Variants in LIMCH1 observed in about 807,000 individuals in gnomAD.
The protein encoded by LIMCH1 is LIM and calponin homology domains 1.
In LIMCH1, 113 loss-of-function variants were observed where a neutral mutation model predicts 176.5. The observed-to-expected ratio is 0.64, with a 90% CI of 0.55 to 0.75. The LOEUF is 0.75. Among genes scored for constraint, LIMCH1 ranks in the 30% least tolerant of loss-of-function variants. The pLI is 0.00. For missense variants in LIMCH1, 1,674 were observed against 1,814.9 expected (o/e 0.92, Z 1.41); for synonymous variants, 619 against 645.9 (o/e 0.96, Z 0.63).
In LIMCH1 at chr4:41,631,136, G is replaced by T; in HGVS notation, c.1272-12G>T. On this transcript the variant is annotated splice_polypyrimidine_tract_variant and intron_variant, in intron 9 of 31. Transcript: ENST00000503057. Reference sequence around the variant, plus strand: ...TCAGACACTTTTAGAACTTATTTCTGGTTTTGACTAGGGATGGAGATGTTC... The same window carrying T: ...TCAGACACTTTTAGAACTTATTTCTTGTTTTGACTAGGGATGGAGATGTTC... The T allele has an allele frequency of 1.3e-6, 2 of 1,486,654 alleles. No individual in the cohort carries two copies. The highest frequency in any genetic ancestry group is 1.8e-6 in the Non-Finnish European group (2 of 1,125,138). The allele number at this position is 1,486,654 out of a possible 1,614,324, so 92.1% of individuals were successfully genotyped here.
At chr4:41,696,199 T>C (rs1222152915) in intron 31 of LIMCH1, among the ~76,000 whole-genome samples, 1 of 152,212 alleles carries the variant, frequency 6.6e-6, no homozygotes, top group Non-Finnish European at 1.5e-5. Context: ...TAAGTTCATA[T>C]GTAAATGGAA....
intron 4 of LIMCH1, chr4:41,612,743 A>G (rs560376760): frequency 5.9e-6 from 4 of 677,338 alleles, no homozygotes; most frequent in Admixed American, 4.7e-5. Flanking sequence ...TGGGTCAGCC[A>G]CAAGTGCTTT....
chr4:41,594,471 T>C (rs572791824), intron 1 of LIMCH1, among the ~76,000 whole-genome samples: 1 of 152,314 alleles, frequency 6.6e-6, no homozygotes, highest in African/African-American at 2.4e-5. Context: ...AAATTGTAAA[T>C]GTGGAAAAAT....
chr4:41,382,291 G>T (rs1471665538), intron 1 of LIMCH1, among the ~76,000 whole-genome samples: 1 of 151,318 alleles, frequency 6.6e-6, no homozygotes, highest in Non-Finnish European at 1.5e-5. Context: ...GTAGAGTTGG[G>T]TTAGTGTGAA....
At chr4:41,538,389 G>T in intron 1 of LIMCH1, 39 bp downstream of exon 1, 11 of 968,710 alleles carry the variant, frequency 1.1e-5, no homozygotes, top group Non-Finnish European at 1.3e-5. Flanking sequence ...CATGCTTAGG[G>T]GTATCCATGA....
chr4:41,380,153 A>G lies in LIMCH1; in HGVS notation c.96+19217A>G, dbSNP rs370519431. On this transcript the variant is annotated intron_variant, in intron 1 of 26. Coordinates refer to the LIMCH1 transcript ENST00000313860. ...CACTACCACCACCACCAAACAATAT[A>G]GGAATAAAAATGCTTCCACTCTGAA... 2.9e-4 allele frequency among the ~76,000 whole-genome samples: 44 copies of G among 152,288 alleles called. 2 individuals carry two copies. The South Asian group carries it at 8.7e-3, about 30-fold the overall frequency.
At chr4:41,519,059 C>T (rs1488084431) in intron 2 of LIMCH1, among the ~76,000 whole-genome samples, 1 of 152,072 alleles carries the variant, frequency 6.6e-6, no homozygotes, top group Non-Finnish European at 1.5e-5. Context: ...TGGAGCATTC[C>T]ATTTGAAAAA....
At position 41,632,862 on chromosome 4, in the gene LIMCH1, A is replaced by G. The variant is rs763306388; in HGVS notation, c.1715A>G (p.Glu572Gly). ...CSLGECPRGT[E>G]EVTSKQLPQD... ...TTGGGCGAGTGCCCGAGGGGGACAG[A>G]GGAAGGTGAGGAGCAGTGTTTCCTG... is the stretch of plus-strand genomic sequence containing the variant. The change falls in exon 11 of 32, where the codon GAG becomes GGG. Residue 572 changes from glutamate to glycine, a missense_variant. Physicochemically the swap from Glu to Gly is moderately conservative, Grantham distance 98. Coordinates refer to ENST00000503057, the MANE Select transcript of LIMCH1 (RefSeq NM_001330672.2). The G allele has an allele frequency of 2.6e-6, 4 of 1,535,914 alleles. No homozygotes were observed. The highest frequency in any genetic ancestry group is 3.5e-6 in the Non-Finnish European group (4 of 1,146,652).
At chr4:41,616,851 A>C (rs1221072523) in intron 5 of LIMCH1, among the ~76,000 whole-genome samples, 1 of 152,138 alleles carries the variant, frequency 6.6e-6, no homozygotes, top group Non-Finnish European at 1.5e-5. Flanking sequence ...AGGGTCACAC[A>C]GCTAGTAGAT....
At chr4:41,488,682 A>G (rs55979092) in intron 1 of LIMCH1, among the ~76,000 whole-genome samples, 9,765 of 152,258 alleles carry the variant, frequency 0.064, 398 homozygotes, top group East Asian at 0.11. Flanking sequence ...AAAGTAATAT[A>G]TATTGTAGAA....
chr4:41,462,963 A>C (rs374078862), intron 1 of LIMCH1, among the ~76,000 whole-genome samples: 1 of 151,848 alleles, frequency 6.6e-6, no homozygotes, highest in East Asian at 1.9e-4. Context: ...TTGGTCTCTC[A>C]TGTGTAGTTT....
At chr4:41,448,023 T>C (rs1253846074) in intron 1 of LIMCH1, among the ~76,000 whole-genome samples, 1 of 152,172 alleles carries the variant, frequency 6.6e-6, no homozygotes, top group Non-Finnish European at 1.5e-5. Context: ...ACTCCTGACC[T>C]CAGGTGATCT....
intron 18 of LIMCH1, among the ~76,000 whole-genome samples, chr4:41,652,613 G>A (rs1190111556): frequency 6.6e-6 from 1 of 152,192 alleles, no homozygotes; most frequent in Non-Finnish European, 1.5e-5. Flanking sequence ...AGACATAGGG[G>A]TGGCATTGCT....
At chr4:41,555,735 G>A (rs2152532307) in intron 1 of LIMCH1, among the ~76,000 whole-genome samples, 1 of 152,154 alleles carries the variant, frequency 6.6e-6, no homozygotes, top group East Asian at 1.9e-4. Flanking sequence ...GTGAAAGACT[G>A]TAGAGTGTTA....
At chr4:41,520,086 A>G (rs1034017738) in intron 2 of LIMCH1, among the ~76,000 whole-genome samples, 1 of 152,196 alleles carries the variant, frequency 6.6e-6, no homozygotes, top group Non-Finnish European at 1.5e-5. Flanking sequence ...ACCGATTTGC[A>G]AACAGTGATG....
intron 4 of LIMCH1, among the ~76,000 whole-genome samples, chr4:41,608,666 C>T (rs1320252585): frequency 6.6e-6 from 1 of 151,960 alleles, no homozygotes; most frequent in East Asian, 1.9e-4. Flanking sequence ...ATTGCTGCTA[C>T]TGCTGTATTT....
intron 2 of LIMCH1, among the ~76,000 whole-genome samples, chr4:41,497,698 G>A (rs534109081): frequency 6.6e-5 from 10 of 152,030 alleles, no homozygotes; most frequent in East Asian, 1.9e-4. Flanking sequence ...CCAGCTACTC[G>A]GGAGGCTGAA....
At chr4:41,663,222 C>G (rs998184519) in intron 20 of LIMCH1, among the ~76,000 whole-genome samples, 1 of 150,780 alleles carries the variant, frequency 6.6e-6, no homozygotes, top group Admixed American at 6.6e-5. Context: ...GGTGTGATCT[C>G]TGCTCACCAC....
intron 1 of LIMCH1, among the ~76,000 whole-genome samples, chr4:41,547,205 A>G (rs1206107630): frequency 1.3e-5 from 2 of 152,166 alleles, no homozygotes; most frequent in African/African-American, 2.4e-5. Flanking sequence ...CATATACATT[A>G]TTATCAGCTA....
Sources: allele counts gnomAD v4.1 joint callset (sites outside exome capture counted in the v4.1 genomes callset), GRCh38; gene constraint gnomAD v4.1.1; transcripts MANE v1.5; gene names NCBI Gene and HGNC (gene_info 2026-07-23, HGNC 2026-07-21).